Variants in ELF2 observed in about 807,000 individuals in gnomAD.
ELF2 encodes ETS-related transcription factor Elf-2.
In ELF2, 11 loss-of-function variants were observed where a neutral mutation model predicts 54.8. That is an observed-to-expected ratio of 0.20 (90% CI 0.13 to 0.33). The LOEUF is 0.33. ELF2 is among the 10% of genes least tolerant of loss of function. The probability of loss-of-function intolerance (pLI) is 1.00; values close to 1 mark genes in which losing one functional copy is unlikely to be tolerated. For missense variants in ELF2, 513 were observed against 703.0 expected (o/e 0.73, Z 3.06); for synonymous variants, 203 against 245.1 (o/e 0.83, Z 1.61).
At chr4:139,114,831 C>T in intron 4 of ELF2, 2 of 1,578,928 alleles carry the variant, frequency 1.3e-6, no homozygotes, top group South Asian at 2.2e-5. Context: ...GCTCATGGCA[C>T]CAGGCCTGGC....
intron 4 of ELF2, among the ~76,000 whole-genome samples, chr4:139,104,335 C>T (rs1413538202): frequency 2.6e-5 from 4 of 151,862 alleles, no homozygotes; most frequent in African/African-American, 7.3e-5. Context: ...CATGGTGAAA[C>T]CCTGTCTCTA....
At chr4:139,173,855 AAG>A (rs1164821741) in intron 1 of ELF2, among the ~76,000 whole-genome samples, 4 of 151,918 alleles carry the variant, frequency 2.6e-5, no homozygotes, top group Admixed American at 1.3e-4. Flanking sequence ...TGAGAGGCCA[AAG>A]AGAGAGGATT....
At chr4:139,149,661 A>G (rs1046543490) in intron 1 of ELF2, among the ~76,000 whole-genome samples, 3 of 152,174 alleles carry the variant, frequency 2.0e-5, no homozygotes, top group Admixed American at 6.6e-5. Context: ...CATTTACCAT[A>G]ACCATAAAAA....
At chr4:139,075,274 T>C (rs1730135208) in intron 4 of ELF2, among the ~76,000 whole-genome samples, 1 of 152,210 alleles carries the variant, frequency 6.6e-6, no homozygotes, top group South Asian at 2.1e-4. Context: ...TTACCTGAGG[T>C]AAGCAACTTA....
At chr4:139,118,671 G>A (rs1244952982) in intron 4 of ELF2, among the ~76,000 whole-genome samples, 1 of 151,816 alleles carries the variant, frequency 6.6e-6, no homozygotes, top group Non-Finnish European at 1.5e-5. Context: ...TAAACTGAAG[G>A]TATAAAGCAT....
At chr4:139,133,936 C>T (rs1737826993) in intron 3 of ELF2, among the ~76,000 whole-genome samples, 1 of 152,182 alleles carries the variant, frequency 6.6e-6, no homozygotes, top group Non-Finnish European at 1.5e-5. Context: ...ACAGTTATAT[C>T]ATCTAGAAAT....
chr4:139,167,495 G>A (rs1340911788), intron 1 of ELF2, among the ~76,000 whole-genome samples: 2 of 152,082 alleles, frequency 1.3e-5, no homozygotes, highest in Non-Finnish European at 2.9e-5. Flanking sequence ...AAACAAATTT[G>A]TCTTATTCTG....
At chr4:139,175,919 G>A (rs1224975523) in intron 1 of ELF2, among the ~76,000 whole-genome samples, 1 of 152,216 alleles carries the variant, frequency 6.6e-6, no homozygotes, top group Admixed American at 6.5e-5. Flanking sequence ...GAGGGAAAAA[G>A]ATTAGAAACT....
At chr4:139,171,642 G>A (rs1450457825) in intron 1 of ELF2, among the ~76,000 whole-genome samples, 2 of 151,396 alleles carry the variant, frequency 1.3e-5, no homozygotes, top group African/African-American at 4.9e-5. Context: ...AACAAAATCA[G>A]GCCGGGCATG....
At position 139,102,050 on chromosome 4, in the gene ELF2, C is replaced by T. The variant is rs991564022; in HGVS notation, c.238+23114G>A. On this transcript the variant is annotated intron_variant, in intron 4 of 9. Transcript: ENST00000686138. The stretch of plus-strand genomic sequence containing the variant: ...TAAATGTCTCAAAAAGAAATTACCA[C>T]CTTTTAATTTCTTTCTCCTCTTGAA... 6 of 151,902 alleles carry T rather than the reference C, an allele frequency of 3.9e-5. No individual in the cohort carries two copies. The East Asian group carries it at 9.6e-4, about 24-fold the overall frequency. 9.4% of individuals were successfully genotyped at this position (151,902 alleles called of 1,614,324 possible). A position where few individuals can be genotyped will look rare whatever the true frequency, so the allele number is the denominator to read the frequency against.
chr4:139,073,091 C>A (rs1729749371), intron 5 of ELF2, among the ~76,000 whole-genome samples: 1 of 152,158 alleles, frequency 6.6e-6, no homozygotes, highest in African/African-American at 2.4e-5. Flanking sequence ...GCCTATTTAT[C>A]ATTGAATAAA....
chr4:139,172,540 C>A (rs1742415341), intron 1 of ELF2, among the ~76,000 whole-genome samples: 1 of 152,068 alleles, frequency 6.6e-6, no homozygotes, highest in Admixed American at 6.6e-5. Flanking sequence ...TTTTACTTAA[C>A]AATGGCTCAA....
At chr4:139,141,969 T>C (rs1738748635) in intron 1 of ELF2, among the ~76,000 whole-genome samples, 1 of 152,192 alleles carries the variant, frequency 6.6e-6, no homozygotes, top group Non-Finnish European at 1.5e-5. Context: ...AAGCACTCCA[T>C]TCATTAATTC....
chr4:139,161,027 T>C (rs1401746765), intron 1 of ELF2, among the ~76,000 whole-genome samples: 1 of 152,200 alleles, frequency 6.6e-6, no homozygotes, highest in Non-Finnish European at 1.5e-5. Flanking sequence ...TCTGTGTGTG[T>C]CTCCATGTGT....
At chr4:139,144,336 C>T (rs139778320) in intron 1 of ELF2, among the ~76,000 whole-genome samples, 107 of 152,272 alleles carry the variant, frequency 7.0e-4, no homozygotes, top group African/African-American at 2.5e-3. Context: ...GAGCCTTGTG[C>T]GTATTCCCGG....
chr4:139,155,037 A>C (rs2148891072), intron 1 of ELF2: 1 of 152,296 alleles, frequency 6.6e-6, no homozygotes, highest in Middle Eastern at 3.4e-3. Context: ...TGGGCAAAAT[A>C]AACTTTCTAA....
At chr4:139,087,707 C>T (rs1578756614) in intron 4 of ELF2, among the ~76,000 whole-genome samples, 1 of 152,114 alleles carries the variant, frequency 6.6e-6, no homozygotes, top group Admixed American at 6.5e-5. Context: ...CCTCGTGATC[C>T]GCCCTCCCCG....
chr4:139,060,700 A>T, intron 8 of ELF2, 26 bp from the exon 9 acceptor site: 1 of 1,542,718 alleles, frequency 6.5e-7, no homozygotes, highest in Non-Finnish European at 8.7e-7. Context: ...GTACCAAATG[A>T]ATCAAGTATA....
intron 1 of ELF2, among the ~76,000 whole-genome samples, chr4:139,173,757 CAAAAA>C (rs1195159962): frequency 2.1e-5 from 1 of 47,586 alleles, no homozygotes; most frequent in African/African-American, 7.7e-5. Flanking sequence ...GACTCCGTCT[CAAAAA>C]AAAAAAAAAA....
Sources: allele counts gnomAD v4.1 joint callset (sites outside exome capture counted in the v4.1 genomes callset), GRCh38; gene constraint gnomAD v4.1.1; transcripts MANE v1.5; gene names NCBI Gene and HGNC (gene_info 2026-07-23, HGNC 2026-07-21).